The following ARFGAP3 variants were observed in gnomAD, a reference collection of about 807,000 sequenced individuals.
ARFGAP3 encodes ARF GTPase activating protein 3, also known as ADP-ribosylation factor GTPase-activating protein 3.
ARFGAP3 carries 72 observed loss-of-function variants against 75.0 expected under a neutral mutation model. The ratio of observed to expected loss-of-function variants is 0.96; its 90% CI spans 0.79 to 1.17. ARFGAP3 has a LOEUF of 1.17. ARFGAP3 is among the 50% of genes most tolerant of loss of function. The pLI, the probability that ARFGAP3 is intolerant of heterozygous loss-of-function variation, is 0.00. For missense variants in ARFGAP3, 620 were observed against 626.6 expected (o/e 0.99, Z 0.11); for synonymous variants, 221 against 217.9 (o/e 1.01, Z -0.13).
At chr22:42,844,738 T>C (rs1219815881) in intron 2 of ARFGAP3, among the ~76,000 whole-genome samples, 1 of 152,118 alleles carries the variant, frequency 6.6e-6, no homozygotes, top group Non-Finnish European at 1.5e-5. Flanking sequence ...GTTTAAAGAA[T>C]AGCTCTTCTC....
intron 9 of ARFGAP3, among the ~76,000 whole-genome samples, chr22:42,818,886 C>T (rs183347908): frequency 6.7e-6 from 1 of 149,954 alleles, no homozygotes; most frequent in Non-Finnish European, 1.5e-5. Flanking sequence ...AATCTTGGCT[C>T]ACTGCAACCT....
intron 5 of ARFGAP3, among the ~76,000 whole-genome samples, chr22:42,832,867 C>T (rs1172264469): frequency 1.3e-5 from 2 of 152,146 alleles, no homozygotes; most frequent in Non-Finnish European, 2.9e-5. Flanking sequence ...TGCCTATAAT[C>T]CCAGCTAGTT....
intron 2 of ARFGAP3, among the ~76,000 whole-genome samples, chr22:42,846,464 G>T (rs1272893457): frequency 6.6e-6 from 1 of 152,196 alleles, no homozygotes; most frequent in Non-Finnish European, 1.5e-5. Context: ...CAGTCCAAAG[G>T]TGGTGTCTTC....
intron 4 of ARFGAP3, among the ~76,000 whole-genome samples, chr22:42,834,896 T>A (rs1926451592): frequency 6.6e-6 from 1 of 152,192 alleles, no homozygotes; most frequent in South Asian, 2.1e-4. Flanking sequence ...TTAAGATGCC[T>A]CTCAAGTGCA....
chr22:42,822,359 G>C lies in ARFGAP3; in HGVS notation c.723C>G (p.Cys241Trp). 2 of 1,614,096 alleles carry C rather than the reference G, an allele frequency of 1.2e-6. No homozygotes were observed. The highest frequency in any genetic ancestry group is 1.7e-6 in the Non-Finnish European group (2 of 1,180,014). The change falls in exon 9 of 16, where the codon TGC becomes TGG. Residue 241 changes from cysteine (C) to tryptophan (W), a missense_variant. By Grantham distance (215) the Cys-to-Trp change is radical. Coordinates refer to ENST00000263245, the MANE Select transcript of ARFGAP3 (RefSeq NM_014570.5). ...GAGCTTGTTTTTCAATTTCATTAAA[G>C]CATGTGTTTGCCAGTTTCTGAGCTC... ...SLGAQKLANT[C>W]FNEIEKQAQA...
chr22:42,849,554 T>G (rs1275172923), intron 1 of ARFGAP3, among the ~76,000 whole-genome samples: 2 of 129,516 alleles, frequency 1.5e-5, no homozygotes, highest in Non-Finnish European at 3.1e-5. Flanking sequence ...GCTCGCTGCT[T>G]TATGGCTTTT....
intron 3 of ARFGAP3, among the ~76,000 whole-genome samples, chr22:42,837,526 G>A (rs955079955): frequency 1.3e-5 from 2 of 149,550 alleles, no homozygotes; most frequent in Non-Finnish European, 3.0e-5. Context: ...GAGGCTGAGT[G>A]AGAGAATCAC....
intron 5 of ARFGAP3, among the ~76,000 whole-genome samples, chr22:42,832,637 A>G (rs1926347069): frequency 6.6e-6 from 1 of 152,212 alleles, no homozygotes; most frequent in Non-Finnish European, 1.5e-5. Flanking sequence ...GAGCTAGAGT[A>G]GCTGGCAGAA....
At chr22:42,824,892 T>G (rs774723262) in intron 7 of ARFGAP3, among the ~76,000 whole-genome samples, 3 of 152,148 alleles carry the variant, frequency 2.0e-5, no homozygotes, top group Non-Finnish European at 4.4e-5. Context: ...CATCTTTATG[T>G]TCGTATGAAC....
At chr22:42,811,030 T>G in intron 11 of ARFGAP3, 86 bp from the exon 12 acceptor site, 2 of 1,545,422 alleles carry the variant, frequency 1.3e-6, no homozygotes, top group Non-Finnish European at 1.7e-6. Context: ...ATGTGGGGGA[T>G]GCCTCCTTGA....
At chr22:42,810,348 C>T (rs931282888) in intron 12 of ARFGAP3, among the ~76,000 whole-genome samples, 28 of 152,126 alleles carry the variant, frequency 1.8e-4, no homozygotes, top group Admixed American at 1.8e-3. Flanking sequence ...CCGGTAGTCT[C>T]AGCTACTCGG....
At chr22:42,847,394 C>T (rs999653383) in intron 2 of ARFGAP3, 120 bp downstream of exon 2, 30 of 807,988 alleles carry the variant, frequency 3.7e-5, no homozygotes, top group Admixed American at 3.7e-4. Flanking sequence ...GGCACTCCTG[C>T]AGCCAAGGTG....
chr22:42,835,182 C>T (rs891569809), intron 4 of ARFGAP3, among the ~76,000 whole-genome samples, 180 bp downstream of exon 4: 1 of 152,222 alleles, frequency 6.6e-6, no homozygotes, highest in Non-Finnish European at 1.5e-5. Context: ...TTAGTATTCA[C>T]TAATCCAGTA....
chr22:42,822,223 T>C (rs750200989), intron 9 of ARFGAP3, 47 bp downstream of exon 9: 6 of 1,483,156 alleles, frequency 4.0e-6, no homozygotes, highest in Non-Finnish European at 5.6e-6. Flanking sequence ...CTTGAGTTAA[T>C]AGTTTTATTC....
At chr22:42,839,445 C>T (rs913675553) in intron 3 of ARFGAP3, among the ~76,000 whole-genome samples, 2 of 151,144 alleles carry the variant, frequency 1.3e-5, no homozygotes, top group Non-Finnish European at 3.0e-5. Flanking sequence ...CTAAAAATAC[C>T]AAAAAATCCA....
In ARFGAP3 at chr22:42,857,234, C is replaced by T; in HGVS notation, c.-52G>A. ...GGCCCAGCCAACCGGTAAGAGTCGA[C>T]GAAAAGCGGCTACCGCCTCAGCAGG... On this transcript the variant is annotated 5_prime_UTR_variant, in exon 1 of 16. Transcript: ENST00000263245. The T allele has an allele frequency of 1.3e-6, 2 of 1,489,254 alleles. No homozygotes were observed. The highest frequency in any genetic ancestry group is 1.8e-6 in the Non-Finnish European group (2 of 1,115,220). 92.3% of individuals were successfully genotyped at this position (1,489,254 alleles called of 1,614,324 possible). A position where few individuals can be genotyped will look rare whatever the true frequency, so the allele number is the denominator to read the frequency against.
In ARFGAP3 at chr22:42,822,261, T is replaced by G. The variant is rs781276181; in HGVS notation, c.812+9A>C. ...TGAAAATGTATTAATATAATGAAAT[T>G]AAACTTACATTGATTCTTCTTTAGA... On this transcript the variant is annotated intron_variant, in intron 9 of 15. Coordinates refer to ENST00000263245, the MANE Select transcript of ARFGAP3 (RefSeq NM_014570.5). The G allele has an allele frequency of 6.2e-7, 1 of 1,604,756 alleles. No individual in the cohort carries two copies. Among genetic ancestry groups the G allele is most frequent in the Non-Finnish European group, 8.5e-7 (1 of 1,174,904 alleles).
intron 5 of ARFGAP3, among the ~76,000 whole-genome samples, chr22:42,833,015 G>A (rs1926365120): frequency 6.6e-6 from 1 of 151,516 alleles, no homozygotes; most frequent in African/African-American, 2.4e-5. Context: ...AAGGAAGAAA[G>A]AAAAGAAAGG....
At chr22:42,828,899 G>A (rs1323328686) in intron 6 of ARFGAP3, among the ~76,000 whole-genome samples, 1 of 151,954 alleles carries the variant, frequency 6.6e-6, no homozygotes, top group Non-Finnish European at 1.5e-5. Flanking sequence ...TGGCCAGGCT[G>A]GCCTTGAACC....
Sources: allele counts gnomAD v4.1 joint callset (sites outside exome capture counted in the v4.1 genomes callset), GRCh38; gene constraint gnomAD v4.1.1; transcripts MANE v1.5; gene names NCBI Gene and HGNC (gene_info 2026-07-23, HGNC 2026-07-21).